Variants in TRRAP observed in about 807,000 individuals in gnomAD.
TRRAP encodes the protein transformation/transcription domain-associated protein.
Under a neutral mutation model 438.8 loss-of-function variants are expected in TRRAP, and 41 were observed. That is an observed-to-expected ratio of 0.09 (90% confidence interval 0.07 to 0.12). The LOEUF is 0.12. Ranked by LOEUF, TRRAP falls within the 10% of genes least tolerant of loss-of-function variation. TRRAP has a pLI of 1.00. For synonymous variants in TRRAP, 1,994 were observed against 1,962.9 expected (o/e 1.02, Z -0.42); for missense variants, 3,122 against 5,055.1 (o/e 0.62, Z 11.60).
chr7:98,977,555 C>G (rs1177991576), intron 56 of TRRAP, among the ~76,000 whole-genome samples: 5 of 152,240 alleles, frequency 3.3e-5, no homozygotes, highest in Non-Finnish European at 7.3e-5. Context: ...ACGTATATGA[C>G]ATGAGCTAAA....
rs1554408903 is a variant in TRRAP at position 98,912,217 on chromosome 7, A to G, written c.2199+4A>G. ...TGAAAATGAACAAATGCTGAAGGTA[A>G]AGTCCATTTAATCTAAGTAGTGCTT... On this transcript the variant is annotated splice_donor_region_variant and intron_variant, in intron 18 of 72. Coordinates refer to ENST00000456197, the MANE Select transcript of TRRAP (RefSeq NM_001375524.1). 6.2e-7 allele frequency: 1 copy of G among 1,612,906 alleles called. No homozygotes were observed. The highest frequency in any genetic ancestry group is 8.5e-7 in the Non-Finnish European group (1 of 1,179,424).
chr7:98,950,593 G>A (rs1791289663), intron 38 of TRRAP, among the ~76,000 whole-genome samples: 1 of 152,244 alleles, frequency 6.6e-6, no homozygotes, highest in South Asian at 2.1e-4. Context: ...TCAGGTGCAT[G>A]CAGGAGTGAC....
At chr7:98,933,151 T>C (rs1790404192) in intron 26 of TRRAP, 90 bp from the exon 27 acceptor site, 1 of 1,444,062 alleles carries the variant, frequency 6.9e-7, no homozygotes, top group African/African-American at 1.4e-5. Flanking sequence ...GTAATAACTT[T>C]GGATCTCAAA....
rs1356008188 is a variant in TRRAP at position 98,878,546 on chromosome 7, C to T, written c.-153C>T. ...GCTGCCGCTTTAAGCGGGGGCGGGA[C>T]TGCGCGCGGCCGAGCGGTTGCGACG... On this transcript the variant is annotated 5_prime_UTR_variant, in exon 1 of 73. Coordinates refer to ENST00000456197, the MANE Select transcript of TRRAP (RefSeq NM_001375524.1). 1.3e-5 allele frequency: 2 copies of T among 151,504 alleles called. No individual in the cohort carries two copies. Among genetic ancestry groups the T allele is most frequent in the Non-Finnish European group, 2.9e-5 (2 of 67,876 alleles). The allele number at this position is 151,504 out of a possible 1,614,324, so 9.4% of individuals were successfully genotyped here.
At chr7:98,888,852 C>T (rs782312331) in intron 3 of TRRAP, among the ~76,000 whole-genome samples, 5 of 152,084 alleles carry the variant, frequency 3.3e-5, no homozygotes, top group African/African-American at 7.2e-5. Context: ...TGTTTGATAT[C>T]TGTCTTCCTT....
intron 67 of TRRAP, among the ~76,000 whole-genome samples, chr7:99,002,731 AAC>A (rs927395636): frequency 3.3e-5 from 5 of 152,060 alleles, no homozygotes; most frequent in Admixed American, 2.6e-4. Context: ...ATGAAAAAAA[AAC>A]ACACACACAC....
chr7:98,906,210 A>G lies in TRRAP; in HGVS notation c.1070A>G (p.Glu357Gly). The change falls in exon 13 of 73, where the codon GAA (glutamate) becomes GGA (glycine). Residue 357 changes from glutamate to glycine, a missense_variant. By Grantham distance (98) the Glu-to-Gly change is moderately conservative. Around this residue, in one of 24 missense-constraint regions of TRRAP, gnomAD observed 343 missense variants for 564.0 expected, o/e 0.61. Coordinates refer to ENST00000456197, the MANE Select transcript of TRRAP (RefSeq NM_001375524.1). ...FIPCMDKLFD[E>G]SILIGSGYTA... ...CCTTGCATGGACAAGCTGTTTGATG[A>G]ATCCATACTAATTGGCTCAGGATAT... 1 of 1,613,978 alleles carries G rather than the reference A, an allele frequency of 6.2e-7. No homozygotes were observed. Among genetic ancestry groups the G allele is most frequent in the South Asian group, 1.1e-5 (1 of 91,070 alleles).
At position 98,908,670 on chromosome 7, in the gene TRRAP, C is replaced by T; in HGVS notation, c.1116-58C>T. 6.7e-7 allele frequency: 1 copy of T among 1,490,638 alleles called. No homozygotes were observed. Among genetic ancestry groups the T allele is most frequent in the Middle Eastern group, 1.8e-4 (1 of 5,422 alleles). The allele number at this position is 1,490,638 out of a possible 1,614,324, so 92.3% of individuals were successfully genotyped here. ...GGCAGATGGTGATATCCTTGGTGGC[C>T]TGCTGCAGCAGGCATGGCCACGTGG... On this transcript the variant is annotated intron_variant, in intron 13 of 72. Coordinates refer to ENST00000456197, the MANE Select transcript of TRRAP (RefSeq NM_001375524.1). The surrounding 1 kb of genome is among the most constrained non-coding windows in gnomAD (Gnocchi z 4.1).
At chr7:98,899,797 G>C (rs1554406356) in intron 10 of TRRAP, 30 bp downstream of exon 10, 2 of 1,606,580 alleles carry the variant, frequency 1.2e-6, no homozygotes, top group Non-Finnish European at 1.7e-6. Flanking sequence ...GGCTGCCACA[G>C]TGCCTGGATT....
chr7:98,913,753 T>G (rs1368602765), intron 18 of TRRAP, among the ~76,000 whole-genome samples: 7 of 152,254 alleles, frequency 4.6e-5, no homozygotes, highest in Admixed American at 3.9e-4. Flanking sequence ...TACATTTTTA[T>G]GGATGACTAA....
At chr7:98,910,990 G>C (rs1026783500) in intron 16 of TRRAP, 87 bp from the exon 17 acceptor site, 17 of 1,149,398 alleles carry the variant, frequency 1.5e-5, no homozygotes, top group Non-Finnish European at 2.0e-5. Flanking sequence ...TCTATTTTAA[G>C]TATGCAGCTG....
chr7:98,966,985 A>G lies in TRRAP; in HGVS notation c.7177-56A>G, dbSNP rs969116488. The G allele has an allele frequency of 5.8e-6, 9 of 1,563,664 alleles. No homozygotes were observed. The East Asian group carries it at 6.7e-5, about 12-fold the overall frequency. On this transcript the variant is annotated intron_variant, in intron 49 of 72. Transcript: ENST00000456197. ...ATAAAATTGTAGGAGCTTAAAAAAT[A>G]CTAGAGCAGATGGTTGAAATACTTT...
Position 98,881,978 on chromosome 7 carries a change from A to G in TRRAP, c.104A>G (p.Asp35Gly), listed in dbSNP as rs1795461647. 3 of 1,611,734 alleles carry G rather than the reference A, an allele frequency of 1.9e-6. No homozygotes were observed. The highest frequency in any genetic ancestry group is 2.5e-6 in the Non-Finnish European group (3 of 1,179,482). The change falls in exon 3 of 73, where the codon GAT (aspartate) becomes GGT (glycine). Residue 35 changes from aspartate (D) to glycine (G), a missense_variant. Asp to Gly is a moderately conservative substitution (Grantham distance 94). Around this residue, in one of 24 missense-constraint regions of TRRAP, gnomAD observed 343 missense variants for 564.0 expected, o/e 0.61. Coordinates refer to ENST00000456197, the MANE Select transcript of TRRAP (RefSeq NM_001375524.1). The stretch of plus-strand genomic sequence containing the variant: ...ATGCTTGTTTTGCCGTTCACAGCTG[A>G]TGAAACAAAGTTGAAAATGATGCAA... ...VAALTDVNTP[D>G]ETKLKMMQEV...
chr7:98,893,724 C>A, intron 5 of TRRAP, 74 bp from the exon 6 acceptor site: 1 of 1,312,292 alleles, frequency 7.6e-7, no homozygotes, highest in Non-Finnish European at 1.1e-6. Context: ...AGTGTGTGTG[C>A]AGAAACTGCT....
chr7:98,924,886 C>A (rs976250251), intron 21 of TRRAP, among the ~76,000 whole-genome samples: 3 of 151,438 alleles, frequency 2.0e-5, no homozygotes. Context: ...CACCTGTAGT[C>A]CCAGCTACTT....
intron 22 of TRRAP, among the ~76,000 whole-genome samples, chr7:98,926,455 C>A (rs1790050439): frequency 6.6e-6 from 1 of 152,114 alleles, no homozygotes. Context: ...GTGGAATAAA[C>A]CTTTAGTTTG....
In TRRAP at chr7:99,012,150, C is replaced by A. The variant is rs1391112642; in HGVS notation, c.11417C>A (p.Pro3806His). 6.2e-7 allele frequency: 1 copy of A among 1,614,230 alleles called. No homozygotes were observed. Among genetic ancestry groups the A allele is most frequent in the South Asian group, 1.1e-5 (1 of 91,084 alleles). Residue 3806 changes from proline (P) to histidine (H), a missense_variant, in exon 73 of 73, where the codon CCT becomes CAT. Pro to His is a moderately conservative substitution (Grantham distance 77). Transcript: ENST00000456197. This position sits in a 1 kb window ranked among gnomAD's most constrained non-coding sequence, Gnocchi z 5.9. ...HKKTQEDTSS[P>H]LSAAGQPENM... ...AAAACACAAGAGGACACGTCCTCTC[C>A]TCTCTCGGCCGCCGGGCAGCCAGAG...
Position 98,878,547 on chromosome 7 carries a change from T to G in TRRAP, c.-152T>G, listed in dbSNP as rs1263913524. The G allele has an allele frequency of 6.6e-6, 1 of 151,366 alleles. No individual in the cohort carries two copies. The highest frequency in any genetic ancestry group is 2.4e-5 in the African/African-American group (1 of 41,298). The allele number at this position is 151,366 out of a possible 1,614,324, so 9.4% of individuals were successfully genotyped here. On this transcript the variant is annotated 5_prime_UTR_variant, in exon 1 of 73. Transcript: ENST00000456197. ...CTGCCGCTTTAAGCGGGGGCGGGACTGCGCGCGGCCGAGCGGTTGCGACGA... is the reference window on the plus strand; with the variant it reads ...CTGCCGCTTTAAGCGGGGGCGGGACGGCGCGCGGCCGAGCGGTTGCGACGA...
At position 98,961,448 on chromosome 7, in the gene TRRAP, T is replaced by C; in HGVS notation, c.6677T>C (p.Leu2226Pro). 1 of 1,614,208 alleles carries C rather than the reference T, an allele frequency of 6.2e-7. No homozygotes were observed. Among genetic ancestry groups the C allele is most frequent in the Non-Finnish European group, 8.5e-7 (1 of 1,180,038 alleles). ...GCCGTCCACAGCCTTCTCTCGCGCC[T>C]GATGAGCATTTTCCCAACAGAGCCG... The part of the protein sequence containing the change: ...LRAVHSLLSR[L>P]MSIFPTEPST... The change falls in exon 46 of 73, where the codon CTG becomes CCG. Residue 2226 changes from leucine (L) to proline (P), a missense_variant. Transcript: ENST00000456197.
Sources: gnomAD v4.1 joint callset for allele counts (sites outside exome capture counted in the v4.1 genomes callset) on GRCh38, gnomAD v4.1.1 for gene constraint, gnomAD v4.1.1 regional missense constraint, Gnocchi (gnomAD v3.1) non-coding constraint, MANE v1.5 for transcripts, NCBI Gene and HGNC (gene_info 2026-07-23, HGNC 2026-07-21) for gene names.